ZXDC: variants seen among roughly 807,000 people sequenced by gnomAD.
ZXDC encodes ZXD family zinc finger C, also known as zinc finger protein ZXDC.
ZXDC carries 58 observed loss-of-function variants against 63.6 expected under a neutral mutation model. The ratio of observed to expected loss-of-function variants is 0.91; its 90% CI spans 0.74 to 1.13. The LOEUF is 1.13. ZXDC is among the 50% of genes most tolerant of loss of function. ZXDC has a pLI of 0.00. For missense variants in ZXDC, 1,133 were observed against 1,148.9 expected (o/e 0.99, Z 0.20); for synonymous variants, 561 against 496.1 (o/e 1.13, Z -1.74).
intron 5 of ZXDC, among the ~76,000 whole-genome samples, chr3:126,462,541 C>A (rs999498104): frequency 2.6e-5 from 4 of 152,204 alleles, no homozygotes; most frequent in Non-Finnish European, 5.9e-5. Flanking sequence ...GTCAGGCCAA[C>A]TGGTAACAGC....
intron 7 of ZXDC, among the ~76,000 whole-genome samples, chr3:126,456,936 G>A (rs1000395670): frequency 6.6e-6 from 1 of 152,196 alleles, no homozygotes; most frequent in Non-Finnish European, 1.5e-5. Flanking sequence ...GATGTGTGGG[G>A]AGGGCACCTC....
intron 4 of ZXDC, among the ~76,000 whole-genome samples, chr3:126,467,448 T>C (rs1934817064): frequency 6.6e-6 from 1 of 152,160 alleles, no homozygotes; most frequent in Admixed American, 6.5e-5. Flanking sequence ...CCTAAGCAAG[T>C]GGTGCGAGCA....
intron 7 of ZXDC, among the ~76,000 whole-genome samples, chr3:126,447,055 A>C (rs1218028073): frequency 6.6e-6 from 1 of 152,234 alleles, no homozygotes. Context: ...TTTGTTCTGC[A>C]GGGGCACTCT....
rs1027193695 is a variant in ZXDC at position 126,471,964 on chromosome 3, A to G, written c.1139+9T>C. ...AACCTGATAATGCAAACCAAAATGT[A>G]AGGATTACCTTCTGTGCCTTAGAAG... is the stretch of plus-strand genomic sequence containing the variant. On this transcript the variant is annotated intron_variant, in intron 3 of 9. Coordinates refer to ENST00000389709, the MANE Select transcript of ZXDC (RefSeq NM_025112.5). The G allele has an allele frequency of 2.9e-5, 46 of 1,603,324 alleles. No individual in the cohort carries two copies. Among genetic ancestry groups the G allele is most frequent in the Non-Finnish European group, 3.6e-5 (42 of 1,175,728 alleles).
Position 126,445,272 on chromosome 3 carries a change from C to T in ZXDC, c.2213-3326G>A, listed in dbSNP as rs1406529188. Among the ~76,000 whole-genome samples, 5 of 152,190 alleles carry T rather than the reference C, an allele frequency of 3.3e-5. No individual in the cohort carries two copies. The East Asian group carries it at 9.7e-4, about 30-fold the overall frequency. On this transcript the variant is annotated intron_variant, in intron 7 of 9. Transcript: ENST00000389709. Reference sequence around the variant, plus strand: ...TCCTGAAAAGTAATACATTCTTTGACAACAGCAGAGGGCTGGCAAAGGTGA... The same window carrying T: ...TCCTGAAAAGTAATACATTCTTTGATAACAGCAGAGGGCTGGCAAAGGTGA...
intron 8 of ZXDC, chr3:126,440,551 T>C: frequency 1.0e-6 from 1 of 985,604 alleles, no homozygotes; most frequent in Non-Finnish European, 1.2e-6. Context: ...CCCTACCGTC[T>C]CCCTATTGCC....
At chr3:126,457,559 G>A (rs1934356309) in intron 7 of ZXDC, 1 of 985,314 alleles carries the variant, frequency 1.0e-6, no homozygotes, top group South Asian at 4.7e-5. Flanking sequence ...TCCCTTAGAA[G>A]TGTATGAAGT....
At chr3:126,453,132 T>C in intron 7 of ZXDC, 1 of 985,470 alleles carries the variant, frequency 1.0e-6, no homozygotes, top group South Asian at 4.7e-5. Context: ...TGAGGAACTA[T>C]TCATATTCTT....
Position 126,472,021 on chromosome 3 carries a change from C to G in ZXDC, c.1091G>C (p.Ser364Thr), listed in dbSNP as rs1360437764. 1.9e-6 allele frequency: 3 copies of G among 1,613,622 alleles called. No homozygotes were observed. Among genetic ancestry groups the G allele is most frequent in the African/African-American group, 2.7e-5 (2 of 74,914 alleles). Residue 364 changes from serine (S) to threonine (T), a missense_variant, in exon 3 of 10, where the codon AGC becomes ACC. By Grantham distance (58) the Ser-to-Thr change is moderately conservative. Transcript: ENST00000389709. ...GERPFICDSD[S>T]CGWTFTSMSK... ...CATGCTGGTGAAGGTCCAGCCACAG[C>G]TGTCAGAGTCACAAATAAATGGTCT...
intron 7 of ZXDC, chr3:126,451,709 ATCC>A: frequency 1.0e-6 from 1 of 985,350 alleles, no homozygotes; most frequent in Non-Finnish European, 1.2e-6. Flanking sequence ...GCTCGTTGCC[ATCC>A]TCCTCATGAC....
At chr3:126,450,187 C>T (rs1431367378) in intron 7 of ZXDC, 10 of 382,582 alleles carry the variant, frequency 2.6e-5, no homozygotes, top group African/African-American at 4.2e-5. Flanking sequence ...GGCCCCTCCA[C>T]AGCTGCTCAC....
At chr3:126,447,761 C>G (rs1933936390) in intron 7 of ZXDC, among the ~76,000 whole-genome samples, 1 of 152,236 alleles carries the variant, frequency 6.6e-6, no homozygotes, top group Admixed American at 6.5e-5. Context: ...CCTGTTCGGC[C>G]TCTGTGGACC....
At chr3:126,452,183 T>C in intron 7 of ZXDC, 14 of 985,410 alleles carry the variant, frequency 1.4e-5, no homozygotes, top group Non-Finnish European at 1.7e-5. Context: ...CACCAGAACA[T>C]GCTTTCAGCT....
chr3:126,450,793 C>T (rs1156729070), intron 7 of ZXDC, among the ~76,000 whole-genome samples: 2 of 152,242 alleles, frequency 1.3e-5, no homozygotes, highest in Non-Finnish European at 2.9e-5. Flanking sequence ...AGGCTCCATC[C>T]AACCTGATCA....
Position 126,475,655 on chromosome 3 carries a change from C to T in ZXDC, c.211G>A (p.Asp71Asn). ...PSPPPAEDDSDGDSFLVLLEV... is the reference protein window; with the variant it reads ...PSPPPAEDDSNGDSFLVLLEV... ...AGCAGCACCAAGAAAGAGTCGCCGT[C>T]GCTGTCGTCCTCGGCGGGCGGCGGG... The change falls in exon 1 of 10, where the codon GAC becomes AAC. Residue 71 changes from aspartate (D) to asparagine (N), a missense_variant. By Grantham distance (23) the Asp-to-Asn change is conservative. Coordinates refer to ENST00000389709, the MANE Select transcript of ZXDC (RefSeq NM_025112.5). 1 of 1,451,656 alleles carries T rather than the reference C, an allele frequency of 6.9e-7. No individual in the cohort carries two copies. The highest frequency in any genetic ancestry group is 2.2e-5 in the Admixed American group (1 of 45,698). 89.9% of individuals were successfully genotyped at this position (1,451,656 alleles called of 1,614,324 possible). A position where few individuals can be genotyped will look rare whatever the true frequency, so the allele number is the denominator to read the frequency against.
chr3:126,457,134 C>A (rs1000128586), intron 7 of ZXDC: 4 of 430,226 alleles, frequency 9.3e-6, no homozygotes, highest in Non-Finnish European at 1.2e-5. Context: ...GAACCTGGAA[C>A]AGGGAAGGGC....
intron 8 of ZXDC, chr3:126,440,524 G>A: frequency 5.1e-6 from 5 of 985,660 alleles, no homozygotes; most frequent in Non-Finnish European, 6.0e-6. Context: ...CTCCTGTTCT[G>A]CCGGTGGCAC....
At chr3:126,449,009 G>A (rs1431077664) in intron 7 of ZXDC, among the ~76,000 whole-genome samples, 4 of 152,200 alleles carry the variant, frequency 2.6e-5, no homozygotes, top group South Asian at 4.1e-4. Flanking sequence ...CCACAGGCAC[G>A]GCACATAGCA....
At chr3:126,451,861 G>A (rs2107637215) in intron 7 of ZXDC, 1 of 985,034 alleles carries the variant, frequency 1.0e-6, no homozygotes, top group East Asian at 1.1e-4. Context: ...GTGCAGGAAG[G>A]GTTGATGGCA....
Sources: allele counts gnomAD v4.1 joint callset (sites outside exome capture counted in the v4.1 genomes callset), GRCh38; gene constraint gnomAD v4.1.1; transcripts MANE v1.5; gene names NCBI Gene and HGNC (gene_info 2026-07-23, HGNC 2026-07-21).